MACROD1: variants seen among roughly 807,000 people sequenced by gnomAD.
MACROD1 encodes the protein mono-ADP ribosylhydrolase 1, also known as ADP-ribose glycohydrolase MACROD1.
A neutral mutation model predicts 41.4 loss-of-function variants in MACROD1; 31 were observed. The observed-to-expected ratio is 0.75, with a 90% CI of 0.56 to 1.01. The LOEUF is 1.01. Ranked by LOEUF, MACROD1 falls within the 50% of genes least tolerant of loss-of-function variation. The pLI, the probability that MACROD1 is intolerant of heterozygous loss-of-function variation, is 0.00. For synonymous variants in MACROD1, 252 were observed against 203.4 expected, an observed-to-expected ratio of 1.24 and a Z score of -2.03; for missense variants, 473 against 460.0, an observed-to-expected ratio of 1.03 and a Z score of -0.26.
chr11:64,100,257 G>A (rs1944648326), intron 3 of MACROD1, among the ~76,000 whole-genome samples: 1 of 152,184 alleles, frequency 6.6e-6, no homozygotes, highest in Non-Finnish European at 1.5e-5. Context: ...AACGCAGAGG[G>A]TGGTGCAGAG....
At chr11:64,117,213 G>C in intron 3 of MACROD1, 1 of 1,614,130 alleles carries the variant, frequency 6.2e-7, no homozygotes, top group Non-Finnish European at 8.5e-7. Flanking sequence ...CCTGTTCGAC[G>C]ACCTGGGGAA....
intron 3 of MACROD1, among the ~76,000 whole-genome samples, chr11:64,094,920 A>G (rs1468934752): frequency 6.6e-6 from 1 of 152,146 alleles, no homozygotes; most frequent in East Asian, 1.9e-4. Context: ...CCAAGAGGGG[A>G]GGTAGCCACA....
At chr11:64,047,618 C>T (rs915543538) in intron 3 of MACROD1, among the ~76,000 whole-genome samples, 3 of 152,082 alleles carry the variant, frequency 2.0e-5, no homozygotes, top group Non-Finnish European at 2.9e-5. Flanking sequence ...GAAGGAAGGC[C>T]GGGCGCGGTG....
rs975161154 is a variant in MACROD1 at position 64,001,712 on chromosome 11, G to T, written c.548-1369C>A. ...TCCCTTCCACCTGCTCCTCTCCTCTGCAGGGAGAAAGGCAGCTGTAGCCCA... is the reference window on the plus strand; with the variant it reads ...TCCCTTCCACCTGCTCCTCTCCTCTTCAGGGAGAAAGGCAGCTGTAGCCCA... On this transcript the variant is annotated intron_variant, in intron 4 of 10. Transcript: ENST00000255681. 4.3e-6 allele frequency: 3 copies of T among 702,338 alleles called. No homozygotes were observed. The Admixed American group carries it at 6.0e-5, about 14-fold the overall frequency. The allele number at this position is 702,338 out of a possible 1,614,324, so 43.5% of individuals were successfully genotyped here. A position where few individuals can be genotyped will look rare whatever the true frequency, so the allele number is the denominator to read the frequency against.
chr11:64,148,368 A>G (rs1223776392), intron 3 of MACROD1, among the ~76,000 whole-genome samples: 1 of 152,134 alleles, frequency 6.6e-6, no homozygotes, highest in Non-Finnish European at 1.5e-5. Flanking sequence ...CCCATATGGC[A>G]GCAGGAACAA....
intron 3 of MACROD1, among the ~76,000 whole-genome samples, chr11:64,132,535 C>T (rs527624482): frequency 6.6e-6 from 1 of 152,286 alleles, no homozygotes; most frequent in South Asian, 2.1e-4. Context: ...CGGGCGGGTC[C>T]TGAGCAGGCC....
rs550356039 is a variant in MACROD1, at chr11:64,020,662, G to T, written c.518-5381C>A. Among the ~76,000 whole-genome samples, 139 of 152,104 alleles carry T rather than the reference G, an allele frequency of 9.1e-4. 3 individuals carry two copies. The South Asian group carries it at 0.028, about 31-fold the overall frequency. On this transcript the variant is annotated intron_variant, in intron 3 of 10. Transcript: ENST00000255681. ...ACCTCCTCAGGTCTCCTGGCCCCCG[G>T]TGATGCTCTCCTGGGGGGGCCATGA...
chr11:64,063,060 G>A (rs959275314), intron 3 of MACROD1, among the ~76,000 whole-genome samples: 2 of 152,220 alleles, frequency 1.3e-5, no homozygotes, highest in Admixed American at 6.5e-5. Context: ...ACCATGCCTG[G>A]TGACAGTCGT....
In MACROD1 at chr11:64,146,201, G is replaced by A. The variant is rs1945493141; in HGVS notation, c.517+5038C>T. On this transcript the variant is annotated intron_variant, in intron 3 of 10. Transcript: ENST00000255681. This position sits in a 1 kb window ranked among gnomAD's most constrained non-coding sequence, Gnocchi z 4.7. The stretch of plus-strand genomic sequence containing the variant: ...AGGGCAGGGAGGTGGCCTAGTCAAG[G>A]TCACTGCACCCCCGTGGTAAAAAGG... 6.6e-6 allele frequency among the ~76,000 whole-genome samples: 1 copy of A among 152,146 alleles called. No individual in the cohort carries two copies. Among genetic ancestry groups the A allele is most frequent in the Non-Finnish European group, 1.5e-5 (1 of 68,018 alleles).
intron 3 of MACROD1, among the ~76,000 whole-genome samples, chr11:64,132,440 C>T (rs1462562842): frequency 2.3e-3 from 134 of 57,750 alleles, no homozygotes; most frequent in African/African-American, 8.6e-3. Flanking sequence ...GGGGGTGGGG[C>T]GGGGGGAGGG....
At chr11:64,140,415 G>C (rs1945395671) in intron 3 of MACROD1, among the ~76,000 whole-genome samples, 1 of 152,246 alleles carries the variant, frequency 6.6e-6, no homozygotes, top group African/African-American at 2.4e-5. Flanking sequence ...GGCCATGCCA[G>C]GTCCAGCAGG....
rs954462347 is a variant in MACROD1, at chr11:64,067,706, C to T, written c.518-52425G>A. Among the ~76,000 whole-genome samples the T allele has an allele frequency of 3.9e-5, 6 of 152,188 alleles. No homozygotes were observed. Among genetic ancestry groups the T allele is most frequent in the Admixed American group, 6.5e-5 (1 of 15,288 alleles). ...GGAGCTGCCCTGCCTGCAGTGATTGCGGACACGCCCCTCGCGAGGCACCGC... is the reference window on the plus strand; with the variant it reads ...GGAGCTGCCCTGCCTGCAGTGATTGTGGACACGCCCCTCGCGAGGCACCGC... On this transcript the variant is annotated intron_variant, in intron 3 of 10. Transcript: ENST00000255681. This position sits in a 1 kb window ranked among gnomAD's most constrained non-coding sequence, Gnocchi z 4.6.
intron 3 of MACROD1, among the ~76,000 whole-genome samples, chr11:64,095,002 C>T (rs1011463167): frequency 3.3e-5 from 5 of 152,156 alleles, no homozygotes; most frequent in Non-Finnish European, 7.4e-5. Context: ...CAAAGAGCCT[C>T]GTTATTAACA....
At chr11:64,143,743 GACACACACATACACACAC>G (rs746597793) in intron 3 of MACROD1, among the ~76,000 whole-genome samples, 19 of 71,484 alleles carry the variant, frequency 2.7e-4, no homozygotes, top group South Asian at 9.0e-4. Flanking sequence ...CCCCAACCCC[GACACACACATACACACAC>G]ACACACACAC....
At chr11:64,134,558 T>C (rs1010503822) in intron 3 of MACROD1, among the ~76,000 whole-genome samples, 9 of 152,134 alleles carry the variant, frequency 5.9e-5, no homozygotes, top group Admixed American at 6.5e-5. Flanking sequence ...TTACCTGGCA[T>C]GAAGCAAGTA....
chr11:64,020,763 G>A (rs1201432663), intron 3 of MACROD1, among the ~76,000 whole-genome samples: 1 of 152,086 alleles, frequency 6.6e-6, no homozygotes, highest in Non-Finnish European at 1.5e-5. Flanking sequence ...CTGTCGCTCA[G>A]GCTGGAGTGC....
intron 4 of MACROD1, among the ~76,000 whole-genome samples, chr11:64,005,651 T>C (rs993260942): frequency 2.6e-5 from 4 of 152,240 alleles, no homozygotes; most frequent in African/African-American, 4.8e-5. Flanking sequence ...AAATGAGCTT[T>C]TGGGGGCTGT....
At chr11:64,050,134 G>C (rs926520154) in intron 3 of MACROD1, among the ~76,000 whole-genome samples, 1 of 152,074 alleles carries the variant, frequency 6.6e-6, no homozygotes, top group African/African-American at 2.4e-5. Flanking sequence ...CAGGGAAGCC[G>C]GGTGCAGGCT....
chr11:64,112,474 A>G (rs973772139), intron 3 of MACROD1, among the ~76,000 whole-genome samples: 1 of 152,216 alleles, frequency 6.6e-6, no homozygotes, highest in Non-Finnish European at 1.5e-5. Flanking sequence ...AGATCGCTCC[A>G]CTGCACTCCC....
Sources: gnomAD v4.1 joint callset for allele counts (sites outside exome capture counted in the v4.1 genomes callset) on GRCh38, gnomAD v4.1.1 for gene constraint, Gnocchi (gnomAD v3.1) non-coding constraint, MANE v1.5 for transcripts, NCBI Gene and HGNC (gene_info 2026-07-23, HGNC 2026-07-21) for gene names.